The following ENO1 variants were observed in gnomAD, a reference collection of about 807,000 sequenced individuals.
ENO1 encodes the protein alpha-enolase.
A neutral mutation model predicts 46.3 loss-of-function variants in ENO1; 33 were observed. The observed-to-expected ratio is 0.71, with a 90% CI of 0.54 to 0.95. The LOEUF is 0.95. ENO1 is among the 40% of genes least tolerant of loss of function. The pLI is 0.00. For missense variants in ENO1, 488 were observed against 553.3 expected, an observed-to-expected ratio of 0.88 and a Z score of 1.18; for synonymous variants, 220 against 216.0, an observed-to-expected ratio of 1.02 and a Z score of -0.16.
chr1:8,870,734 A>T (rs1642614141), intron 3 of ENO1: 7 of 1,428,916 alleles, frequency 4.9e-6, no homozygotes, highest in South Asian at 1.5e-5. Context: ...ACAAAACAGC[A>T]GCTGGCTCAG....
At position 8,878,633 on chromosome 1, in the gene ENO1, CG is replaced by C; in HGVS notation, c.-64del. Reference sequence around the variant, plus strand: ...AGGAAGCGGAGGGTGCTGCAGACACCGAGGTGAACGTAAAGCCGGCGAGATC... The same window carrying C: ...AGGAAGCGGAGGGTGCTGCAGACACCAGGTGAACGTAAAGCCGGCGAGATC... On this transcript the variant is annotated 5_prime_UTR_variant, in exon 1 of 12. Coordinates refer to ENST00000234590, the MANE Select transcript of ENO1 (RefSeq NM_001428.5). 1 of 456,094 alleles carries C rather than the reference CG, an allele frequency of 2.2e-6. No homozygotes were observed. The highest frequency in any genetic ancestry group is 4.4e-6 in the Non-Finnish European group (1 of 226,808). The allele number at this position is 456,094 out of a possible 1,614,324, so 28.3% of individuals were successfully genotyped here.
At chr1:8,866,523 A>C in intron 6 of ENO1, 22 bp from the exon 7 acceptor site, 1 of 1,613,612 alleles carries the variant, frequency 6.2e-7, no homozygotes, top group Non-Finnish European at 8.5e-7. Context: ...AGAGCAGAGA[A>C]GCATGGCACT....
intron 5 of ENO1, among the ~76,000 whole-genome samples, chr1:8,867,774 C>T (rs1226046389): frequency 6.6e-6 from 1 of 152,134 alleles, no homozygotes; most frequent in African/African-American, 2.4e-5. Flanking sequence ...TCGTGATCCA[C>T]CTGCCTCAGC....
chr1:8,878,666 C>T lies in ENO1; in HGVS notation c.-96G>A, dbSNP rs773059045. On this transcript the variant is annotated 5_prime_UTR_variant, in exon 1 of 12. Transcript: ENST00000234590. ...ACGTAAAGCCGGCGAGATCTCCGTG[C>T]TCCGGGTACCCACAGATACTGTCCG... is the stretch of plus-strand genomic sequence containing the variant. The T allele has an allele frequency of 3.9e-5, 18 of 456,000 alleles. 1 individual carries two copies. In the Middle Eastern group the frequency reaches 1.6e-3, roughly 41 times the overall value. The allele number at this position is 456,000 out of a possible 1,614,324, so 28.2% of individuals were successfully genotyped here. A position where few individuals can be genotyped will look rare whatever the true frequency, so the allele number is the denominator to read the frequency against.
chr1:8,862,991 A>T, intron 10 of ENO1, 46 bp from the exon 11 acceptor site: 3 of 1,606,866 alleles, frequency 1.9e-6, no homozygotes, highest in Non-Finnish European at 2.6e-6. Context: ...CAAGCTTTGC[A>T]GGCATTTCTG....
rs79137947 is a variant in ENO1, at chr1:8,871,588, T to C, written c.181+303A>G. On this transcript the variant is annotated intron_variant, in intron 3 of 11. Coordinates refer to ENST00000234590, the MANE Select transcript of ENO1 (RefSeq NM_001428.5). Reference sequence around the variant, plus strand: ...ACTTTTCTTTAGTTAACAGGCCCTGTTCTCATGCTTGGGTTCCTGTCCTAA... The same window carrying C: ...ACTTTTCTTTAGTTAACAGGCCCTGCTCTCATGCTTGGGTTCCTGTCCTAA... 1,318 of 1,161,408 alleles carry C rather than the reference T, an allele frequency of 1.1e-3. 11 individuals are homozygous for C. In the African/African-American group the frequency reaches 0.017, roughly 15 times the overall value. 71.9% of individuals were successfully genotyped at this position (1,161,408 alleles called of 1,614,324 possible). A position where few individuals can be genotyped will look rare whatever the true frequency, so the allele number is the denominator to read the frequency against.
Position 8,861,255 on chromosome 1 carries a change from G to A in ENO1, c.*105C>T, listed in dbSNP as rs778887391. 4.1e-6 allele frequency: 5 copies of A among 1,208,628 alleles called. No homozygotes were observed. Among genetic ancestry groups the A allele is most frequent in the Non-Finnish European group, 6.0e-6 (5 of 827,954 alleles). 74.9% of individuals were successfully genotyped at this position (1,208,628 alleles called of 1,614,324 possible). ...CACGGCGGTGGGGCGCTAACTAGCA[G>A]GGACCCCTGCAAGTGTTGGTCGGGG... On this transcript the variant is annotated 3_prime_UTR_variant, in exon 12 of 12. Transcript: ENST00000234590.
chr1:8,875,016 A>T (rs1230119304), intron 1 of ENO1, 99 bp from the exon 2 acceptor site: 2 of 965,964 alleles, frequency 2.1e-6, no homozygotes, highest in East Asian at 5.3e-5. Flanking sequence ...GACTAGAGAG[A>T]ATCAGCACTG....
chr1:8,873,674 CAACG>C (rs970418456), intron 2 of ENO1: 13 of 152,232 alleles, frequency 8.5e-5, no homozygotes, highest in African/African-American at 2.9e-4. Flanking sequence ...TTCTTTTGCC[CAACG>C]AAGTCAGGCC....
At chr1:8,863,199 A>C in intron 10 of ENO1, 36 bp downstream of exon 10, 1 of 1,609,058 alleles carries the variant, frequency 6.2e-7, no homozygotes, top group Non-Finnish European at 8.5e-7. Context: ...TAGGAAGTTG[A>C]GGTCAGAGAA....
intron 8 of ENO1, 101 bp downstream of exon 8, chr1:8,865,184 C>T: frequency 6.3e-6 from 9 of 1,429,834 alleles, no homozygotes; most frequent in Middle Eastern, 2.2e-4. Context: ...ACACTCCCTC[C>T]CCATCCCCTC....
intron 1 of ENO1, chr1:8,877,492 A>G (rs573731483): frequency 1.3e-5 from 2 of 152,524 alleles, no homozygotes; most frequent in South Asian, 4.1e-4. Flanking sequence ...AAGGCAAGTG[A>G]AGCAATGGAC....
At position 8,870,519 on chromosome 1, in the gene ENO1, A is replaced by G; in HGVS notation, c.182-9T>C. 2 of 1,614,158 alleles carry G rather than the reference A, an allele frequency of 1.2e-6. No homozygotes were observed. The highest frequency in any genetic ancestry group is 1.7e-6 in the Non-Finnish European group (2 of 1,180,018). ...AACAGCCTTTGAGACACCTGGAAGG[A>G]ACAATCAAATCAAATTACTGACATT... On this transcript the variant is annotated splice_polypyrimidine_tract_variant and intron_variant, in intron 3 of 11. Coordinates refer to ENST00000234590, the MANE Select transcript of ENO1 (RefSeq NM_001428.5).
chr1:8,866,722 G>A, intron 6 of ENO1: 1 of 600,054 alleles, frequency 1.7e-6, no homozygotes. Context: ...CTAGAGGCTG[G>A]TCTCAAACTC....
chr1:8,868,092 C>T, intron 4 of ENO1, 35 bp from the exon 5 acceptor site: 1 of 1,487,564 alleles, frequency 6.7e-7, no homozygotes, highest in Non-Finnish European at 9.4e-7. Context: ...GGGTTGGGGC[C>T]ACTCTTATCT....
At chr1:8,871,077 G>GCTGACCTT in intron 3 of ENO1, 1 of 1,223,576 alleles carries the variant, frequency 8.2e-7, no homozygotes, top group East Asian at 3.2e-5. Context: ...ATCCTGCTCC[G>GCTGACCTT]GCTAAGTCCC....
chr1:8,866,995 G>C, intron 6 of ENO1, 122 bp downstream of exon 6: 1 of 1,426,650 alleles, frequency 7.0e-7, no homozygotes, highest in Non-Finnish European at 9.4e-7. Context: ...ACTTAACAAG[G>C]GGCAGAGCTG....
chr1:8,861,664 C>G (rs1642408296), intron 11 of ENO1, among the ~76,000 whole-genome samples: 1 of 152,202 alleles, frequency 6.6e-6, no homozygotes, highest in East Asian at 1.9e-4. Context: ...ATGCTAGGTG[C>G]CCTCCACCCA....
chr1:8,863,414 C>T, intron 9 of ENO1, 71 bp from the exon 10 acceptor site: 1 of 1,449,324 alleles, frequency 6.9e-7, no homozygotes, highest in South Asian at 1.3e-5. Flanking sequence ...TGCCATTACC[C>T]CTCGGTGCCA....
Sources: allele counts gnomAD v4.1 joint callset (sites outside exome capture counted in the v4.1 genomes callset), GRCh38; gene constraint gnomAD v4.1.1; transcripts MANE v1.5; gene names NCBI Gene and HGNC (gene_info 2026-07-23, HGNC 2026-07-21).